TLK1: variants seen among roughly 807,000 people sequenced by gnomAD.
TLK1 encodes serine/threonine-protein kinase tousled-like 1.
In TLK1, 24 loss-of-function variants were observed where a neutral mutation model predicts 105.3. The ratio of observed to expected loss-of-function variants is 0.23; its 90% CI spans 0.17 to 0.32. The LOEUF is 0.32. Among genes scored for constraint, TLK1 ranks in the 10% least tolerant of loss-of-function variants. TLK1 has a pLI of 1.00. For synonymous variants in TLK1, 321 were observed against 310.4 expected (o/e 1.03, Z -0.36); for missense variants, 558 against 910.5 (o/e 0.61, Z 4.98).
intron 12 of TLK1, among the ~76,000 whole-genome samples, chr2:171,023,437 A>T (rs567219981): frequency 6.6e-6 from 1 of 151,748 alleles, no homozygotes; most frequent in South Asian, 2.1e-4. Context: ...ACACACACAC[A>T]CCAAAACACA....
chr2:171,033,825 A>G (rs1237560864), intron 11 of TLK1, among the ~76,000 whole-genome samples: 1 of 151,224 alleles, frequency 6.6e-6, no homozygotes, highest in East Asian at 1.9e-4. Context: ...AAAGTAAAAG[A>G]CAACTTACAG....
chr2:171,033,942 G>GA (rs1245577602), intron 11 of TLK1, among the ~76,000 whole-genome samples: 2 of 146,902 alleles, frequency 1.4e-5, no homozygotes, highest in Non-Finnish European at 3.0e-5. Flanking sequence ...ACAGTCTGGT[G>GA]AAAAAATGAG....
chr2:171,215,869 G>A (rs1211831181), intron 1 of TLK1, among the ~76,000 whole-genome samples: 5 of 152,064 alleles, frequency 3.3e-5, no homozygotes, highest in South Asian at 2.1e-4. Context: ...AACAATATGC[G>A]CACCACCACC....
At chr2:171,069,050 A>G (rs1032185133) in intron 3 of TLK1, among the ~76,000 whole-genome samples, 3 of 152,242 alleles carry the variant, frequency 2.0e-5, no homozygotes, top group African/African-American at 7.2e-5. Context: ...CAGATTAAAC[A>G]TTTGTGAAGT....
chr2:171,066,222 T>C (rs932385595), intron 3 of TLK1, among the ~76,000 whole-genome samples: 1 of 152,222 alleles, frequency 6.6e-6, no homozygotes, highest in Non-Finnish European at 1.5e-5. Context: ...TAATATTTAG[T>C]ATAAAAAATT....
At position 171,113,872 on chromosome 2, in the gene TLK1, A is replaced by C. The variant is rs1267452632; in HGVS notation, c.258+3867T>G. 2.6e-5 allele frequency among the ~76,000 whole-genome samples: 4 copies of C among 152,200 alleles called. No homozygotes were observed. The South Asian group carries it at 6.2e-4, about 24-fold the overall frequency. On this transcript the variant is annotated intron_variant, in intron 2 of 20. Transcript: ENST00000431350. Reference sequence around the variant, plus strand: ...AGCAGTATTTAATTAGAATACCATCAAGGTCTATGAGATCAAATTCTAGTT... The same window carrying C: ...AGCAGTATTTAATTAGAATACCATCCAGGTCTATGAGATCAAATTCTAGTT...
At chr2:171,054,130 G>A (rs1262809713) in intron 7 of TLK1, 1 of 215,636 alleles carries the variant, frequency 4.6e-6, no homozygotes, top group East Asian at 1.0e-4. Flanking sequence ...CGTTCCTCTA[G>A]TTGATTTTTT....
intron 1 of TLK1, among the ~76,000 whole-genome samples, chr2:171,192,618 T>G (rs1034008160): frequency 6.6e-6 from 1 of 152,066 alleles, no homozygotes; most frequent in African/African-American, 2.4e-5. Flanking sequence ...AGGCGGAGGT[T>G]GCAGTGAGCT....
chr2:171,032,085 GAAC>G (rs72322853), intron 11 of TLK1, among the ~76,000 whole-genome samples: 31,278 of 151,400 alleles, frequency 0.21, 3,807 homozygotes, highest in Non-Finnish European at 0.28. Context: ...GAAAAGAAAA[GAAC>G]AACAACAACA....
In TLK1 at chr2:170,992,582, G is replaced by T. The variant is rs765588883; in HGVS notation, c.*1198C>A. ...TAACCATGAACAAATTAAAAATCTA[G>T]TATCTATGTGTTCTACAGCCCTAGA... On this transcript the variant is annotated 3_prime_UTR_variant, in exon 21 of 21. Transcript: ENST00000431350. The T allele has an allele frequency of 3.9e-5, 6 of 152,458 alleles. No individual in the cohort carries two copies. The highest frequency in any genetic ancestry group is 8.8e-5 in the Non-Finnish European group (6 of 67,960). The allele number at this position is 152,458 out of a possible 1,614,324, so 9.4% of individuals were successfully genotyped here. A position where few individuals can be genotyped will look rare whatever the true frequency, so the allele number is the denominator to read the frequency against.
intron 2 of TLK1, among the ~76,000 whole-genome samples, chr2:171,106,843 A>C (rs1281901842): frequency 6.6e-6 from 1 of 152,252 alleles, no homozygotes; most frequent in Non-Finnish European, 1.5e-5. Context: ...TTTTAAAATT[A>C]CAACTTAAAA....
intron 1 of TLK1, among the ~76,000 whole-genome samples, chr2:171,216,467 C>T (rs568734633): frequency 2.6e-5 from 4 of 152,120 alleles, no homozygotes; most frequent in East Asian, 1.9e-4. Flanking sequence ...CAGAGCAAGA[C>T]TCCGTCTCAA....
intron 11 of TLK1, among the ~76,000 whole-genome samples, chr2:171,044,078 T>C (rs1017109356): frequency 6.6e-6 from 1 of 152,190 alleles, no homozygotes; most frequent in East Asian, 1.9e-4. Flanking sequence ...GAGATGGACT[T>C]TGAAAGATTA....
At chr2:171,200,704 C>T (rs1575656699) in intron 1 of TLK1, among the ~76,000 whole-genome samples, 1 of 152,212 alleles carries the variant, frequency 6.6e-6, no homozygotes, top group East Asian at 1.9e-4. Flanking sequence ...TATAGTGAGA[C>T]CCCATCTGTA....
intron 11 of TLK1, among the ~76,000 whole-genome samples, chr2:171,030,272 C>A (rs1025406165): frequency 4.0e-5 from 6 of 151,472 alleles, no homozygotes; most frequent in Admixed American, 1.3e-4. Flanking sequence ...TAAACAAAAA[C>A]AAGAAATTCA....
At chr2:171,209,156 G>C (rs1693563080) in intron 1 of TLK1, among the ~76,000 whole-genome samples, 2 of 152,158 alleles carry the variant, frequency 1.3e-5, no homozygotes, top group Admixed American at 1.3e-4. Flanking sequence ...TGTTCCCTTT[G>C]TGTAAGAAAG....
chr2:171,031,212 T>C (rs1287817316), intron 11 of TLK1, among the ~76,000 whole-genome samples: 3 of 152,168 alleles, frequency 2.0e-5, no homozygotes, highest in African/African-American at 7.2e-5. Context: ...TAGGAAGTAT[T>C]AGGGATTATT....
chr2:171,158,473 G>C (rs1692320390), intron 1 of TLK1, among the ~76,000 whole-genome samples: 1 of 152,172 alleles, frequency 6.6e-6, no homozygotes, highest in South Asian at 2.1e-4. Flanking sequence ...TCACAATCTA[G>C]ATGTTTTGTC....
chr2:171,042,915 A>G (rs1686757459), intron 11 of TLK1, among the ~76,000 whole-genome samples: 1 of 152,178 alleles, frequency 6.6e-6, no homozygotes, highest in South Asian at 2.1e-4. Context: ...ATGAGGATAA[A>G]GTGAGAAATA....
Sources: gnomAD v4.1 joint callset for allele counts (sites outside exome capture counted in the v4.1 genomes callset) on GRCh38, gnomAD v4.1.1 for gene constraint, MANE v1.5 for transcripts, NCBI Gene and HGNC (gene_info 2026-07-23, HGNC 2026-07-21) for gene names.